CCDC81: variants seen among roughly 807,000 people sequenced by gnomAD.
CCDC81 encodes coiled-coil domain containing 81, also known as coiled-coil domain-containing protein 81.
In CCDC81, 79 loss-of-function variants were observed where a neutral mutation model predicts 83.7. The ratio of observed to expected loss-of-function variants is 0.94; its 90% CI spans 0.79 to 1.14. The LOEUF (loss-of-function observed/expected upper bound fraction) is 1.14. Among genes scored for constraint, CCDC81 ranks in the 50% most tolerant of loss-of-function variants. CCDC81 has a pLI of 0.00. For synonymous variants in CCDC81, 252 were observed against 278.1 expected (o/e 0.91, Z 0.93); for missense variants, 791 against 778.1 (o/e 1.02, Z -0.20).
chr11:86,392,413 A>T, intron 3 of CCDC81, 128 bp from the exon 4 acceptor site: 1 of 1,116,190 alleles, frequency 9.0e-7, no homozygotes, highest in Non-Finnish European at 1.2e-6. Flanking sequence ...GGTACAACTA[A>T]AAGCTTCATC....
intron 13 of CCDC81, among the ~76,000 whole-genome samples, chr11:86,415,611 A>G (rs1948708665): frequency 6.6e-6 from 1 of 152,154 alleles, no homozygotes; most frequent in African/African-American, 2.4e-5. Context: ...TACATTCCCA[A>G]CCAATAGCAT....
At chr11:86,421,009 T>C (rs1948780999) in intron 14 of CCDC81, among the ~76,000 whole-genome samples, 1 of 152,092 alleles carries the variant, frequency 6.6e-6, no homozygotes, top group Non-Finnish European at 1.5e-5. Context: ...TTGGCCAACA[T>C]GGTGATAAAG....
chr11:86,389,921 T>C (rs867853247), intron 3 of CCDC81, among the ~76,000 whole-genome samples: 2 of 152,072 alleles, frequency 1.3e-5, no homozygotes, highest in Non-Finnish European at 2.9e-5. Context: ...CTGGCCAACA[T>C]GGTGAAACCC....
chr11:86,385,887 T>A (rs958122415), intron 1 of CCDC81, among the ~76,000 whole-genome samples, 164 bp from the exon 2 acceptor site: 3 of 152,246 alleles, frequency 2.0e-5, no homozygotes, highest in African/African-American at 7.2e-5. Flanking sequence ...CCAAGAAAAT[T>A]AACTTTTGGG....
intron 5 of CCDC81, 47 bp from the exon 6 acceptor site, chr11:86,397,574 C>A: frequency 1.9e-6 from 3 of 1,566,220 alleles, no homozygotes; most frequent in Non-Finnish European, 1.7e-6. Flanking sequence ...CACACAGTTA[C>A]CTGTTCAGGT....
chr11:86,376,795 T>C (rs1057118406), intron 1 of CCDC81, among the ~76,000 whole-genome samples: 13 of 152,228 alleles, frequency 8.5e-5, no homozygotes, highest in Non-Finnish European at 1.8e-4. Flanking sequence ...GAACCTACAT[T>C]GACACATCAA....
intron 4 of CCDC81, chr11:86,395,085 A>G: frequency 3.1e-6 from 1 of 320,844 alleles, no homozygotes. Flanking sequence ...TCTGAAGGCA[A>G]TTCCCTAAAA....
chr11:86,419,166 AAC>A (rs1948757632), intron 13 of CCDC81: 1 of 152,218 alleles, frequency 6.6e-6, no homozygotes, highest in African/African-American at 2.4e-5. Context: ...AGGCTACATC[AAC>A]AGTTACATTT....
rs1948430127 is a variant in CCDC81, at chr11:86,397,850, T to TTATTATTAC, written c.757+110_757+118dup. ...GTTAAATTTACAAATAATCACTATA[T>TTATTATTAC]TATTATTACTTTTTTTTTTGAGATG... On this transcript the variant is annotated intron_variant, in intron 6 of 14. Transcript: ENST00000445632. 6 of 1,292,252 alleles carry TTATTATTAC rather than the reference T, an allele frequency of 4.6e-6. No individual in the cohort carries two copies. The East Asian group carries it at 1.7e-4, about 36-fold the overall frequency. 80.0% of individuals were successfully genotyped at this position (1,292,252 alleles called of 1,614,324 possible).
intron 1 of CCDC81, among the ~76,000 whole-genome samples, chr11:86,376,534 ACT>A (rs1027417318): frequency 1.3e-5 from 2 of 151,994 alleles, no homozygotes; most frequent in African/African-American, 2.4e-5. Context: ...CATTTATAAA[ACT>A]CTCAGATCTT....
At chr11:86,421,605 C>T (rs1434905255) in intron 14 of CCDC81, among the ~76,000 whole-genome samples, 4 of 152,226 alleles carry the variant, frequency 2.6e-5, no homozygotes, top group Admixed American at 6.5e-5. Flanking sequence ...CCACCGCGCC[C>T]GGCCGATCAT....
At chr11:86,398,308 A>C (rs369394497) in intron 6 of CCDC81, among the ~76,000 whole-genome samples, 14 of 152,252 alleles carry the variant, frequency 9.2e-5, no homozygotes, top group Admixed American at 4.6e-4. Context: ...AACTCAGATG[A>C]CTGCAGGCAG....
chr11:86,420,353 G>C (rs1258215323), intron 14 of CCDC81, among the ~76,000 whole-genome samples: 1 of 152,114 alleles, frequency 6.6e-6, no homozygotes, highest in Non-Finnish European at 1.5e-5. Context: ...TAACTATTTG[G>C]AAGTAGGGGG....
chr11:86,401,834 G>A (rs1593926668), intron 7 of CCDC81, among the ~76,000 whole-genome samples: 1 of 152,130 alleles, frequency 6.6e-6, no homozygotes, highest in South Asian at 2.1e-4. Flanking sequence ...TTTGTTTCCT[G>A]TAGAAGTTAA....
In CCDC81 at chr11:86,414,848, A is replaced by T; in HGVS notation, c.1451A>T (p.Lys484Met). 1 of 1,610,550 alleles carries T rather than the reference A, an allele frequency of 6.2e-7. No individual in the cohort carries two copies. The highest frequency in any genetic ancestry group is 8.5e-7 in the Non-Finnish European group (1 of 1,179,236). ...AAGATGGAAGAAACACAGTGTTACA[A>T]GAGAGCTTTGGATGCACAGGTAAGG... Reference protein sequence around the residue: ...KDKMEETQCYKRALDAQIKNK... With the variant: ...KDKMEETQCYMRALDAQIKNK... Residue 484 changes from lysine (K) to methionine (M), a missense_variant, in exon 12 of 15, where the codon AAG becomes ATG. Transcript: ENST00000445632.
intron 10 of CCDC81, among the ~76,000 whole-genome samples, chr11:86,411,528 G>T (rs372458764): frequency 1.9e-4 from 29 of 152,344 alleles, no homozygotes; most frequent in African/African-American, 6.7e-4. Context: ...GAAGATCTCT[G>T]TTGTTGCTCA....
intron 1 of CCDC81, among the ~76,000 whole-genome samples, chr11:86,378,229 T>C (rs545380213): frequency 7.2e-4 from 110 of 152,276 alleles, no homozygotes; most frequent in Non-Finnish European, 1.4e-3. Flanking sequence ...ACTTGTCCCA[T>C]GTGTTATCTA....
chr11:86,402,255 C>T (rs927345896), intron 7 of CCDC81, among the ~76,000 whole-genome samples: 2 of 151,838 alleles, frequency 1.3e-5, no homozygotes, highest in Non-Finnish European at 2.9e-5. Context: ...AAAAAATCAC[C>T]CATAATCCCT....
intron 7 of CCDC81, among the ~76,000 whole-genome samples, chr11:86,402,007 C>T (rs551737255): frequency 5.9e-5 from 9 of 151,696 alleles, no homozygotes; most frequent in East Asian, 3.9e-4. Flanking sequence ...TGGTGGTGAG[C>T]GCCTGTAATC....
Sources: allele counts gnomAD v4.1 joint callset (sites outside exome capture counted in the v4.1 genomes callset), GRCh38; gene constraint gnomAD v4.1.1; transcripts MANE v1.5; gene names NCBI Gene and HGNC (gene_info 2026-07-23, HGNC 2026-07-21).